ECE1: variants seen among roughly 807,000 people sequenced by gnomAD.
ECE1 encodes the protein endothelin-converting enzyme 1.
ECE1 carries 35 observed loss-of-function variants against 98.6 expected under a neutral mutation model. That is an observed-to-expected ratio of 0.35 (90% CI 0.27 to 0.47). The LOEUF is 0.47. Ranked by LOEUF, ECE1 falls within the 20% of genes least tolerant of loss-of-function variation. The pLI is 1.00. For synonymous variants in ECE1, 394 were observed against 407.1 expected, an observed-to-expected ratio of 0.97 and a Z score of 0.39; for missense variants, 814 against 1,025.3, an observed-to-expected ratio of 0.79 and a Z score of 2.81.
chr1:21,271,019 G>T (rs1274784448), intron 4 of ECE1, among the ~76,000 whole-genome samples: 1 of 152,216 alleles, frequency 6.6e-6, no homozygotes, highest in African/African-American at 2.4e-5. Context: ...TAAGTGTCTG[G>T]TTCTAAAATG....
chr1:21,280,671 G>A (rs2098253373), intron 2 of ECE1, among the ~76,000 whole-genome samples: 1 of 152,204 alleles, frequency 6.6e-6, no homozygotes, highest in Admixed American at 6.5e-5. Flanking sequence ...ACCTGCAACG[G>A]CCCCACCAAC....
In ECE1 at chr1:21,345,274, C is replaced by A. The variant is rs1639476216; in HGVS notation, c.3+102G>T. ...GCTGCTGCTGCAGCCGGCGCCCAGCCCCCCGCGAGCCAGGGCGGCCCCGGG... is the reference window on the plus strand; with the variant it reads ...GCTGCTGCTGCAGCCGGCGCCCAGCACCCCGCGAGCCAGGGCGGCCCCGGG... On this transcript the variant is annotated intron_variant, in intron 1 of 18. Coordinates refer to the ECE1 transcript ENST00000415912. This position sits in a 1 kb window ranked among gnomAD's most constrained non-coding sequence, Gnocchi z 5.1. The A allele has an allele frequency of 6.6e-6, 8 of 1,218,884 alleles. No homozygotes were observed. The highest frequency in any genetic ancestry group is 3.1e-5 in the South Asian group (1 of 31,840). The allele number at this position is 1,218,884 out of a possible 1,614,324, so 75.5% of individuals were successfully genotyped here.
intron 1 of ECE1, among the ~76,000 whole-genome samples, chr1:21,309,233 G>T (rs1638663337): frequency 6.6e-6 from 1 of 152,204 alleles, no homozygotes; most frequent in Non-Finnish European, 1.5e-5. Context: ...GGAGTCAGGG[G>T]AGGATGGTCA....
At chr1:21,252,839 G>C (rs2098214458) in intron 8 of ECE1, among the ~76,000 whole-genome samples, 1 of 152,184 alleles carries the variant, frequency 6.6e-6, no homozygotes, top group Admixed American at 6.5e-5. Context: ...GGGTTCCTGG[G>C]TGACATCGCT....
At chr1:21,286,081 C>A (rs1342065229) in intron 2 of ECE1, among the ~76,000 whole-genome samples, 1 of 151,938 alleles carries the variant, frequency 6.6e-6, no homozygotes, top group Non-Finnish European at 1.5e-5. Context: ...AATATCTCAC[C>A]TTTCTTTTTT....
intron 4 of ECE1, among the ~76,000 whole-genome samples, chr1:21,264,319 CCTTTT>C (rs2098231125): frequency 7.0e-6 from 1 of 143,636 alleles, no homozygotes; most frequent in African/African-American, 2.6e-5. Flanking sequence ...TCCCCCCCCC[CCTTTT>C]TTTTTTTTGA....
intron 8 of ECE1, among the ~76,000 whole-genome samples, chr1:21,254,737 T>C (rs2098217744): frequency 6.6e-6 from 1 of 152,102 alleles, no homozygotes; most frequent in Non-Finnish European, 1.5e-5. Flanking sequence ...GAGTGCCAGA[T>C]GGTATCTAAC....
At chr1:21,302,122 C>A (rs1200331434) in intron 1 of ECE1, among the ~76,000 whole-genome samples, 3 of 152,200 alleles carry the variant, frequency 2.0e-5, no homozygotes, top group Non-Finnish European at 4.4e-5. Context: ...GTGGGGAGAC[C>A]CAGCGGGTAT....
At chr1:21,300,309 G>A (rs957007803) in intron 1 of ECE1, among the ~76,000 whole-genome samples, 3 of 152,250 alleles carry the variant, frequency 2.0e-5, no homozygotes, top group African/African-American at 7.2e-5. Context: ...GGCAGGTCGT[G>A]TCCCTCTCTG....
intron 2 of ECE1, among the ~76,000 whole-genome samples, chr1:21,281,114 C>G (rs183397513): frequency 2.0e-5 from 3 of 152,074 alleles, no homozygotes; most frequent in African/African-American, 7.2e-5. Context: ...CGCTTGAACC[C>G]GGGAGGCGGA....
In ECE1 at chr1:21,233,542, G is replaced by C; in HGVS notation, c.1670+16C>G. On this transcript the variant is annotated intron_variant, in intron 14 of 18. Transcript: ENST00000374893. This position sits in a 1 kb window ranked among gnomAD's most constrained non-coding sequence, Gnocchi z 4.0. ...GGGGAGCTGGCACCTTGCCGGCAGG[G>C]CCTGGGGGAACTCACTGATCTCTGT... 6.2e-7 allele frequency: 1 copy of C among 1,611,872 alleles called. No homozygotes were observed. The highest frequency in any genetic ancestry group is 8.5e-7 in the Non-Finnish European group (1 of 1,178,964).
At chr1:21,274,116 A>C (rs1401906025) in intron 3 of ECE1, among the ~76,000 whole-genome samples, 1 of 152,240 alleles carries the variant, frequency 6.6e-6, no homozygotes. Context: ...AACTCATTAC[A>C]AGTCATCAGA....
intron 4 of ECE1, among the ~76,000 whole-genome samples, chr1:21,263,087 C>G (rs1255131972): frequency 6.6e-6 from 1 of 152,174 alleles, no homozygotes. Flanking sequence ...CCAAGCAAGG[C>G]CCCGGGGAAG....
chr1:21,306,342 T>TTG (rs1049330768), intron 1 of ECE1, among the ~76,000 whole-genome samples: 5 of 151,932 alleles, frequency 3.3e-5, no homozygotes, highest in African/African-American at 1.2e-4. Flanking sequence ...TGTTTTTTTT[T>TTG]TTTTCAGATG....
At chr1:21,228,226 G>T (rs9426747) in intron 14 of ECE1, among the ~76,000 whole-genome samples, 185 bp from the exon 15 acceptor site, 1,746 of 152,188 alleles carry the variant, frequency 0.011, 27 homozygotes, top group African/African-American at 0.039. Flanking sequence ...TTGAGACAGG[G>T]TCTCGTTCTG....
rs1015624202 is a variant in ECE1 at position 21,220,861 on chromosome 1, C to T, written c.2137-730G>A. Reference sequence around the variant, plus strand: ...AGCCCCCCACCTGATCCTGAGATCCCGGGGAGTCAGGAGGGTCCCCTGAGC... The same window carrying T: ...AGCCCCCCACCTGATCCTGAGATCCTGGGGAGTCAGGAGGGTCCCCTGAGC... On this transcript the variant is annotated intron_variant, in intron 18 of 18. Coordinates refer to ENST00000374893, the MANE Select transcript of ECE1 (RefSeq NM_001397.3). The surrounding 1 kb of genome is among the most constrained non-coding windows in gnomAD (Gnocchi z 5.0). 7.9e-5 allele frequency among the ~76,000 whole-genome samples: 12 copies of T among 152,020 alleles called. No homozygotes were observed. The highest frequency in any genetic ancestry group is 1.2e-4 in the African/African-American group (5 of 41,380).
intron 1 of ECE1, among the ~76,000 whole-genome samples, chr1:21,332,905 G>A (rs1349738565): frequency 6.6e-6 from 1 of 151,964 alleles, no homozygotes; most frequent in Non-Finnish European, 1.5e-5. Context: ...AGAAACAATT[G>A]GGACATGTGT....
chr1:21,222,059 A>G, intron 17 of ECE1: 1 of 589,526 alleles, frequency 1.7e-6, no homozygotes, highest in Non-Finnish European at 3.0e-6. Context: ...TCTCACATTT[A>G]CACCTTCTGC....
In ECE1 at chr1:21,334,891, G is replaced by A. The variant is rs115112843; in HGVS notation, c.3+10485C>T. The stretch of plus-strand genomic sequence containing the variant: ...AGGCCCGCGCTCCTGCCTCCCTCCT[G>A]CCCCCTACAGTCCATGCTCTACACA... On this transcript the variant is annotated intron_variant, in intron 1 of 18. Coordinates refer to the ECE1 transcript ENST00000415912. Among the ~76,000 whole-genome samples, 1,137 of 151,894 alleles carry A rather than the reference G, an allele frequency of 7.5e-3. 14 individuals carry two copies. The highest frequency in any genetic ancestry group is 0.026 in the African/African-American group (1,072 of 41,398).
Sources: gnomAD v4.1 joint callset for allele counts (sites outside exome capture counted in the v4.1 genomes callset) on GRCh38, gnomAD v4.1.1 for gene constraint, Gnocchi (gnomAD v3.1) non-coding constraint, MANE v1.5 for transcripts, NCBI Gene and HGNC (gene_info 2026-07-23, HGNC 2026-07-21) for gene names.